CCDC71: variants seen among roughly 807,000 people sequenced by gnomAD.
CCDC71 encodes the protein coiled-coil domain containing 71, also known as coiled-coil domain-containing protein 71.
For synonymous variants in CCDC71, 257 were observed against 242.2 expected, an observed-to-expected ratio of 1.06 and a Z score of -0.57; for missense variants, 594 against 604.0, an observed-to-expected ratio of 0.98 and a Z score of 0.17.
At position 49,163,536 on chromosome 3, in the gene CCDC71, G is replaced by A. The variant is rs1419329929; in HGVS notation, c.673C>T (p.Pro225Ser). 30 of 1,614,122 alleles carry A rather than the reference G, an allele frequency of 1.9e-5. No homozygotes were observed. Among genetic ancestry groups the A allele is most frequent in the Non-Finnish European group, 2.3e-5 (27 of 1,180,036 alleles). Residue 225 changes from proline to serine, a missense_variant, in exon 2 of 2, where the codon CCC becomes TCC. By Grantham distance (74) the Pro-to-Ser change is moderately conservative. Coordinates refer to ENST00000321895, the MANE Select transcript of CCDC71 (RefSeq NM_022903.4). ...SSGKGPGNPR[P>S]KAPRKTTSKG... ...CTTGTGGTTTTTCTGGGAGCTTTGG[G>A]CCGAGGGTTCCCCGGACCCTTCCCT...
At chr3:49,165,345 A>G (rs1388903690) in intron 1 of CCDC71, among the ~76,000 whole-genome samples, 1 of 152,234 alleles carries the variant, frequency 6.6e-6, no homozygotes, top group Admixed American at 6.5e-5. Flanking sequence ...AGAACACCTA[A>G]CTACTCCCAG....
chr3:49,164,936 G>A (rs2045714539), intron 1 of CCDC71, among the ~76,000 whole-genome samples: 1 of 152,200 alleles, frequency 6.6e-6, no homozygotes, highest in Non-Finnish European at 1.5e-5. Context: ...TACACCCACT[G>A]TCCATGCCCA....
In CCDC71 at chr3:49,162,585, A is replaced by G; in HGVS notation, c.*220T>C. 1.7e-6 allele frequency: 1 copy of G among 594,382 alleles called. No individual in the cohort carries two copies. Among genetic ancestry groups the G allele is most frequent in the African/African-American group, 1.9e-5 (1 of 53,834 alleles). 36.8% of individuals were successfully genotyped at this position (594,382 alleles called of 1,614,324 possible). ...GGAACAGTAGACATACAACTTGAATAACAAGTCACAGTGCATCGCGCCATG... is the reference window on the plus strand; with the variant it reads ...GGAACAGTAGACATACAACTTGAATGACAAGTCACAGTGCATCGCGCCATG... On this transcript the variant is annotated 3_prime_UTR_variant, in exon 2 of 2. Transcript: ENST00000321895.
chr3:49,163,232 G>C lies in CCDC71; in HGVS notation c.977C>G (p.Ala326Gly). ...AQVKAKAKAK[A>G]AQVKAKAKVM... ...TTTGGCCTTGGCCTTGACCTGTGCT[G>C]CCTTAGCTTTGGCCTTAGCCTTGAC... The change falls in exon 2 of 2, where the codon GCA becomes GGA. Residue 326 changes from alanine to glycine, a missense_variant. Ala to Gly is a moderately conservative substitution (Grantham distance 60). Coordinates refer to ENST00000321895, the MANE Select transcript of CCDC71 (RefSeq NM_022903.4). 6.4e-7 allele frequency: 1 copy of C among 1,572,120 alleles called. No individual in the cohort carries two copies. The highest frequency in any genetic ancestry group is 1.1e-5 in the South Asian group (1 of 87,958).
Position 49,164,119 on chromosome 3 carries a change from T to A in CCDC71, c.90A>T (p.Ala30=). ...GGCTCATTGGGTTAAAGACAAGCAG[T>A]GCCTCTTCCAGGGCCTTCTTCCCTG... ...STAGKKALEE[A]LLVFNPMSQD... is the part of the protein sequence containing the mutation. The change falls in exon 2 of 2, where the codon GCA becomes GCT. Residue 30 remains alanine, a synonymous_variant. Coordinates refer to ENST00000321895, the MANE Select transcript of CCDC71 (RefSeq NM_022903.4). 3 of 1,613,928 alleles carry A rather than the reference T, an allele frequency of 1.9e-6. No homozygotes were observed. Among genetic ancestry groups the A allele is most frequent in the Non-Finnish European group, 2.5e-6 (3 of 1,180,018 alleles).
chr3:49,163,572 G>A lies in CCDC71; in HGVS notation c.637C>T (p.Arg213Trp), dbSNP rs1002388302. Residue 213 changes from arginine (R) to tryptophan (W), a missense_variant, in exon 2 of 2, where the codon CGG (arginine) becomes TGG (tryptophan). By Grantham distance (101) the Arg-to-Trp change is moderately radical (BLOSUM62 -3). Coordinates refer to ENST00000321895, the MANE Select transcript of CCDC71 (RefSeq NM_022903.4). ...LSLADSPLKLRKSSGKGPGNP... is the reference protein window; with the variant it reads ...LSLADSPLKLWKSSGKGPGNP... Reference sequence around the variant, plus strand: ...CCCGGACCCTTCCCTGAACTTTTCCGCAGTTTCAGAGGAGAGTCTGCAAGT... The same window carrying A: ...CCCGGACCCTTCCCTGAACTTTTCCACAGTTTCAGAGGAGAGTCTGCAAGT... The A allele has an allele frequency of 3.1e-6, 5 of 1,614,204 alleles. No homozygotes were observed. The highest frequency in any genetic ancestry group is 1.7e-5 in the Admixed American group (1 of 60,026).
Position 49,163,739 on chromosome 3 carries a change from G to C in CCDC71, c.470C>G (p.Ala157Gly), listed in dbSNP as rs777150025. 6.2e-7 allele frequency: 1 copy of C among 1,614,110 alleles called. No homozygotes were observed. Among genetic ancestry groups the C allele is most frequent in the Non-Finnish European group, 8.5e-7 (1 of 1,180,042 alleles). The change falls in exon 2 of 2, where the codon GCA (alanine) becomes GGA (glycine). Residue 157 changes from alanine (A) to glycine (G), a missense_variant. Physicochemically the swap from Ala to Gly is moderately conservative, Grantham distance 60 (BLOSUM62 0). Transcript: ENST00000321895. ...AAGGTGGGTGGGGAAGCCCACTGCT[G>C]CACCCCGGGCATGGCTGGCACTTGA... ...KQSSASHARG[A>G]AVGFPTHLYP...
At chr3:49,165,719 A>C (rs2045719706) in intron 1 of CCDC71, among the ~76,000 whole-genome samples, 1 of 152,274 alleles carries the variant, frequency 6.6e-6, no homozygotes, top group Non-Finnish European at 1.5e-5. Flanking sequence ...TGTAGTTCCC[A>C]GAGCTGTGAA....
At position 49,166,059 on chromosome 3, in the gene CCDC71, G is replaced by A. The variant is rs1386787213; in HGVS notation, c.-53+208C>T. 2.0e-5 allele frequency among the ~76,000 whole-genome samples: 3 copies of A among 150,072 alleles called. No individual in the cohort carries two copies. Among genetic ancestry groups the A allele is most frequent in the Admixed American group, 2.0e-4 (3 of 15,056 alleles). On this transcript the variant is annotated intron_variant, in intron 1 of 1. Transcript: ENST00000321895. The surrounding 1 kb of genome is among the most constrained non-coding windows in gnomAD (Gnocchi z 4.0). ...GTGAGGCGGGGGTCACTGAGGCAGC[G>A]AAATGTACAGGGTGAACGGTGCTAG... is the stretch of plus-strand genomic sequence containing the variant.
intron 1 of CCDC71, 26 bp from the exon 2 acceptor site, chr3:49,164,286 A>G (rs2045710627): frequency 2.8e-6 from 4 of 1,413,894 alleles, no homozygotes; most frequent in East Asian, 2.3e-5. Context: ...AAAAGAGTCA[A>G]TAAGAATGGC....
Position 49,162,914 on chromosome 3 carries a change from T to C in CCDC71, c.1295A>G (p.Asp432Gly). Residue 432 changes from aspartate to glycine, a missense_variant, in exon 2 of 2, where the codon GAT becomes GGT. Asp to Gly is a moderately conservative substitution (Grantham distance 94). Transcript: ENST00000321895. ...KLLKFRAIKV[D>G]RRSSDDEVRQ... ...CACCTCATCATCCGAGGACCGCCTATCTACCTTTATGGCACGGAACTTCAG... is the reference window on the plus strand; with the variant it reads ...CACCTCATCATCCGAGGACCGCCTACCTACCTTTATGGCACGGAACTTCAG... 6.2e-7 allele frequency: 1 copy of C among 1,614,264 alleles called. No homozygotes were observed. Among genetic ancestry groups the C allele is most frequent in the Non-Finnish European group, 8.5e-7 (1 of 1,180,040 alleles).
In CCDC71 at chr3:49,163,007, G is replaced by A. The variant is rs1385577525; in HGVS notation, c.1202C>T (p.Pro401Leu). 2 of 1,614,242 alleles carry A rather than the reference G, an allele frequency of 1.2e-6. No homozygotes were observed. The highest frequency in any genetic ancestry group is 1.7e-5 in the Admixed American group (1 of 60,032). ...KRAEEAKDLP[P>L]KKRTRLGPRS... ...GGGCCCAAGCCGTGTTCTCTTCTTG[G>A]GAGGAAGATCTTTTGCCTCCTCAGC... Residue 401 changes from proline to leucine, a missense_variant, in exon 2 of 2, where the codon CCC becomes CTC. Coordinates refer to ENST00000321895, the MANE Select transcript of CCDC71 (RefSeq NM_022903.4).
chr3:49,162,894 C>T lies in CCDC71; in HGVS notation c.1315G>A (p.Glu439Lys). ...IKVDRRSSDD[E>K]VRQRAQRILR... is the part of the protein sequence containing the mutation. The stretch of plus-strand genomic sequence containing the variant: ...ATCCGCTGAGCCCGCTGCCGCACCT[C>T]ATCATCCGAGGACCGCCTATCTACC... The change falls in exon 2 of 2, where the codon GAG becomes AAG. Residue 439 changes from glutamate (E) to lysine (K), a missense_variant. Coordinates refer to ENST00000321895, the MANE Select transcript of CCDC71 (RefSeq NM_022903.4). The T allele has an allele frequency of 3.1e-6, 5 of 1,614,260 alleles. No individual in the cohort carries two copies. The highest frequency in any genetic ancestry group is 4.2e-6 in the Non-Finnish European group (5 of 1,180,048).
chr3:49,164,100 T>C lies in CCDC71; in HGVS notation c.109A>G (p.Met37Val), dbSNP rs376859378. 56 of 1,613,786 alleles carry C rather than the reference T, an allele frequency of 3.5e-5. No individual in the cohort carries two copies. The highest frequency in any genetic ancestry group is 1.3e-4 in the East Asian group (6 of 44,888). ...TCTGTGGCACTGAGATCCTGGCTCA[T>C]TGGGTTAAAGACAAGCAGTGCCTCT... Reference protein sequence around the residue: ...LEEALLVFNPMSQDLSATEAQ... With the variant: ...LEEALLVFNPVSQDLSATEAQ... Residue 37 changes from methionine (M) to valine (V), a missense_variant, in exon 2 of 2, where the codon ATG becomes GTG. Transcript: ENST00000321895.
At position 49,163,730 on chromosome 3, in the gene CCDC71, C is replaced by A; in HGVS notation, c.479G>T (p.Gly160Val). The change falls in exon 2 of 2, where the codon GGC becomes GTC. Residue 160 changes from glycine (G) to valine (V), a missense_variant. Coordinates refer to ENST00000321895, the MANE Select transcript of CCDC71 (RefSeq NM_022903.4). ...SASHARGAAV[G>V]FPTHLYPGVY... The stretch of plus-strand genomic sequence containing the variant: ...ACCTGGATAAAGGTGGGTGGGGAAG[C>A]CCACTGCTGCACCCCGGGCATGGCT... The A allele has an allele frequency of 6.2e-7, 1 of 1,614,038 alleles. No individual in the cohort carries two copies. The highest frequency in any genetic ancestry group is 8.5e-7 in the Non-Finnish European group (1 of 1,180,014).
chr3:49,162,916 T>G lies in CCDC71; in HGVS notation c.1293A>C (p.Val431=). 1 of 1,614,266 alleles carries G rather than the reference T, an allele frequency of 6.2e-7. No homozygotes were observed. The highest frequency in any genetic ancestry group is 8.5e-7 in the Non-Finnish European group (1 of 1,180,048). Residue 431 remains valine (V), a synonymous_variant, in exon 2 of 2, where the codon GTA becomes GTC. Coordinates refer to ENST00000321895, the MANE Select transcript of CCDC71 (RefSeq NM_022903.4). ...CCTCATCATCCGAGGACCGCCTATC[T>G]ACCTTTATGGCACGGAACTTCAGCA... The part of the protein sequence containing the change: ...AKLLKFRAIK[V]DRRSSDDEVR...
At position 49,163,892 on chromosome 3, in the gene CCDC71, G is replaced by A; in HGVS notation, c.317C>T (p.Ala106Val). The change falls in exon 2 of 2, where the codon GCC (alanine) becomes GTC (valine). Residue 106 changes from alanine (A) to valine (V), a missense_variant. Coordinates refer to ENST00000321895, the MANE Select transcript of CCDC71 (RefSeq NM_022903.4). ...GGCCCGACCTGCAGGCAACCGCATG[G>A]CAGTTCGGGGAGCACTGGCTGGAGG... ...TSPPASAPRT[A>V]MRLPAGRATL... The A allele has an allele frequency of 6.2e-7, 1 of 1,614,220 alleles. No homozygotes were observed. Among genetic ancestry groups the A allele is most frequent in the Non-Finnish European group, 8.5e-7 (1 of 1,180,036 alleles).
rs2045703624 is a variant in CCDC71, at chr3:49,163,324, G to A, written c.885C>T (p.Ala295=). 3 of 1,613,872 alleles carry A rather than the reference G, an allele frequency of 1.9e-6. No homozygotes were observed. The African/African-American group carries it at 4.0e-5, about 21-fold the overall frequency. The change falls in exon 2 of 2, where the codon GCC becomes GCT. Residue 295 remains alanine, a synonymous_variant. Transcript: ENST00000321895. ...VARTLAKAAR[A]QAKVARTQAK... ...CCTGTGTTCGAGCCACCTTGGCTTG[G>A]GCACGAGCAGCTTTGGCCAGTGTTC...
In CCDC71 at chr3:49,164,147, G is replaced by A. The variant is rs772229174; in HGVS notation, c.62C>T (p.Thr21Met). The change falls in exon 2 of 2, where the codon ACG becomes ATG. Residue 21 changes from threonine (T) to methionine (M), a missense_variant. Transcript: ENST00000321895. ...CTCTTCCAGGGCCTTCTTCCCTGCC[G>A]TGGAGATGCGCGACCAGGAGTGCAC... ...KAVHSWSRIS[T>M]AGKKALEEAL... The A allele has an allele frequency of 5.0e-6, 8 of 1,613,626 alleles. No homozygotes were observed. The highest frequency in any genetic ancestry group is 3.3e-5 in the Admixed American group (2 of 60,016).
Sources: allele counts gnomAD v4.1 joint callset (sites outside exome capture counted in the v4.1 genomes callset), GRCh38; gene constraint gnomAD v4.1.1; non-coding constraint Gnocchi (gnomAD v3.1); transcripts MANE v1.5; gene names NCBI Gene and HGNC (gene_info 2026-07-23, HGNC 2026-07-21).